Variants in ADGRE5 observed in about 807,000 individuals in gnomAD.
ADGRE5 encodes adhesion G protein-coupled receptor E5, also known as CD97 molecule.
Under a neutral mutation model 100.3 loss-of-function variants are expected in ADGRE5, and 72 were observed. The observed-to-expected ratio is 0.72, with a 90% CI of 0.59 to 0.87. The LOEUF (loss-of-function observed/expected upper bound fraction) is 0.87. Ranked by LOEUF, ADGRE5 falls within the 40% of genes least tolerant of loss-of-function variation. The pLI is 0.00. For missense variants in ADGRE5, 959 were observed against 1,094.7 expected (o/e 0.88, Z 1.75); for synonymous variants, 439 against 447.8 (o/e 0.98, Z 0.25).
At position 14,404,075 on chromosome 19, in the gene ADGRE5, C is replaced by T. The variant is rs189503937; in HGVS notation, c.1450-308C>T. Among the ~76,000 whole-genome samples, 3 of 151,908 alleles carry T rather than the reference C, an allele frequency of 2.0e-5. No individual in the cohort carries two copies. In the East Asian group the frequency reaches 5.8e-4, roughly 29 times the overall value. ...GTATTTTTTAGTGGAGACGGGGTTT[C>T]GCCATGTTGGCCAGGCTGGTCTCAA... On this transcript the variant is annotated intron_variant, in intron 12 of 19. Transcript: ENST00000242786.
chr19:14,398,494 C>T (rs866130302), intron 9 of ADGRE5, among the ~76,000 whole-genome samples: 3 of 136,856 alleles, frequency 2.2e-5, no homozygotes, highest in Non-Finnish European at 4.7e-5. Flanking sequence ...ATGGTGAAAC[C>T]CCCGTCTCTA....
chr19:14,401,835 A>G lies in ADGRE5; in HGVS notation c.1183+75A>G. On this transcript the variant is annotated intron_variant, in intron 11 of 19. Transcript: ENST00000242786. The surrounding 1 kb of genome is among the most constrained non-coding windows in gnomAD (Gnocchi z 4.1). ...CTGGGATGGGGCCAGGGTGAGGTTC[A>G]GAATAGAACAACTGACTGGGCGCGG... The G allele has an allele frequency of 9.6e-7, 1 of 1,037,022 alleles. No homozygotes were observed. The allele number at this position is 1,037,022 out of a possible 1,614,324, so 64.2% of individuals were successfully genotyped here. A position where few individuals can be genotyped will look rare whatever the true frequency, so the allele number is the denominator to read the frequency against.
Position 14,406,847 on chromosome 19 carries a change from C to T in ADGRE5, c.2116-22C>T. 1 of 1,613,134 alleles carries T rather than the reference C, an allele frequency of 6.2e-7. No individual in the cohort carries two copies. Among genetic ancestry groups the T allele is most frequent in the Admixed American group, 1.7e-5 (1 of 60,026 alleles). On this transcript the variant is annotated intron_variant, in intron 16 of 19. Transcript: ENST00000242786. This position sits in a 1 kb window ranked among gnomAD's most constrained non-coding sequence, Gnocchi z 6.0. ...TGGACCATCGCTCTCGCCCTCTAACCCACAATCTGCTCCCTGCCCAGTGCA... is the reference window on the plus strand; with the variant it reads ...TGGACCATCGCTCTCGCCCTCTAACTCACAATCTGCTCCCTGCCCAGTGCA...
chr19:14,396,428 C>G lies in ADGRE5; in HGVS notation c.433C>G (p.Leu145Val), dbSNP rs201730212. Residue 145 changes from leucine (L) to valine (V), a missense_variant, in exon 5 of 20, where the codon CTG (leucine) becomes GTG (valine). Leu to Val is a conservative substitution (Grantham distance 32). Coordinates refer to ENST00000242786, the MANE Select transcript of ADGRE5 (RefSeq NM_078481.4). ...NTLGSYTCQC[L>V]PGFKFIPEDP... ...CCTTGGCAGCTATACCTGCCAGTGC[C>G]TGCCTGGCTTCAAGTTCATACCTGA... The G allele has an allele frequency of 2.2e-5, 36 of 1,614,302 alleles. No individual in the cohort carries two copies. In the East Asian group the frequency reaches 7.6e-4, roughly 34 times the overall value.
rs1159554992 is a variant in ADGRE5, at chr19:14,401,760, G to A, written c.1183G>A (p.Gly395Ser). ...TGTGGCAGCTGGAGCCGAGGATCCA[G>A]GTAGCAGCGGTGGTCTGGAGGGGGA... ...WAVAAGAEDP[G>S]PAVAGILSIQ... Residue 395 changes from glycine (G) to serine (S), a missense_variant and splice_region_variant, in exon 11 of 20, where the codon GGC becomes AGC. Around this residue, in one of 6 missense-constraint regions of ADGRE5, gnomAD observed 246 missense variants for 242.2 expected, o/e 1.02. Coordinates refer to ENST00000242786, the MANE Select transcript of ADGRE5 (RefSeq NM_078481.4). This position sits in a 1 kb window ranked among gnomAD's most constrained non-coding sequence, Gnocchi z 4.1. The A allele has an allele frequency of 1.3e-6, 2 of 1,545,274 alleles. No individual in the cohort carries two copies. Among genetic ancestry groups the A allele is most frequent in the Non-Finnish European group, 1.7e-6 (2 of 1,146,100 alleles).
chr19:14,391,823 C>A (rs145974030), intron 4 of ADGRE5, among the ~76,000 whole-genome samples: 1,573 of 152,090 alleles, frequency 0.01, 31 homozygotes, highest in African/African-American at 0.036. Flanking sequence ...ACTGGCCGGG[C>A]GCAGTGGCTC....
rs1215769611 is a variant in ADGRE5 at position 14,408,078 on chromosome 19, G to C, written c.2479-14G>C. Reference sequence around the variant, plus strand: ...GGGCTAGCGGGGCTCAGGCCTCTGGGCTCTCCTCTCCAGGCCCTCAGGGCA... The same window carrying C: ...GGGCTAGCGGGGCTCAGGCCTCTGGCCTCTCCTCTCCAGGCCCTCAGGGCA... On this transcript the variant is annotated splice_polypyrimidine_tract_variant and intron_variant, in intron 19 of 19. Coordinates refer to ENST00000242786, the MANE Select transcript of ADGRE5 (RefSeq NM_078481.4). The C allele has an allele frequency of 6.2e-7, 1 of 1,614,020 alleles. No individual in the cohort carries two copies. The highest frequency in any genetic ancestry group is 1.7e-5 in the Admixed American group (1 of 60,016).
intron 5 of ADGRE5, 63 bp downstream of exon 5, chr19:14,396,536 C>T (rs1437782585): frequency 1.4e-5 from 23 of 1,601,594 alleles, no homozygotes; most frequent in Non-Finnish European, 2.0e-5. Context: ...TGAGGCACGT[C>T]CTCCAAAGCA....
chr19:14,393,764 C>T (rs1368921919), intron 4 of ADGRE5, among the ~76,000 whole-genome samples: 4 of 152,188 alleles, frequency 2.6e-5, no homozygotes, highest in Non-Finnish European at 5.9e-5. Context: ...GCGTGGAGCC[C>T]AGAAGGAGGC....
In ADGRE5 at chr19:14,381,564, C is replaced by G. The variant is rs931048600; in HGVS notation, c.22+19C>G. ...TTTCTCGGTAAGTACTTTGGGGCCCCGCTGGGAGGGGCGAGGAAGCTCCAG... is the reference window on the plus strand; with the variant it reads ...TTTCTCGGTAAGTACTTTGGGGCCCGGCTGGGAGGGGCGAGGAAGCTCCAG... On this transcript the variant is annotated intron_variant, in intron 1 of 19. Coordinates refer to ENST00000242786, the MANE Select transcript of ADGRE5 (RefSeq NM_078481.4). 2.5e-6 allele frequency: 4 copies of G among 1,597,022 alleles called. No individual in the cohort carries two copies. The African/African-American group carries it at 4.1e-5, about 16-fold the overall frequency.
chr19:14,407,159 A>G lies in ADGRE5; in HGVS notation c.2306A>G (p.Tyr769Cys), dbSNP rs756827351. Residue 769 changes from tyrosine (Y) to cysteine (C), a missense_variant, in exon 18 of 20, where the codon TAT becomes TGT. Coordinates refer to ENST00000242786, the MANE Select transcript of ADGRE5 (RefSeq NM_078481.4). ...GACGATCGGAGCTTGGTGCTGACCTATGTGTTTACCATCCTCAACTGCCTG... is the reference window on the plus strand; with the variant it reads ...GACGATCGGAGCTTGGTGCTGACCTGTGTGTTTACCATCCTCAACTGCCTG... The part of the protein sequence containing the change: ...IFDDRSLVLT[Y>C]VFTILNCLQG... 54 of 1,613,802 alleles carry G rather than the reference A, an allele frequency of 3.3e-5. 1 individual carries two copies. The South Asian group carries it at 5.4e-4, about 16-fold the overall frequency.
At chr19:14,404,865 C>A in intron 13 of ADGRE5, 2 of 317,736 alleles carry the variant, frequency 6.3e-6, no homozygotes, top group Non-Finnish European at 5.7e-6. Context: ...ACCACTTGCC[C>A]GTTTTTTTTT....
Position 14,397,140 on chromosome 19 carries a change from T to C in ADGRE5, c.542T>C (p.Val181Ala), listed in dbSNP as rs1975809500. ...CHSSTHCLNNVGSYQCRCRPG... is the reference protein window; with the variant it reads ...CHSSTHCLNNAGSYQCRCRPG... Reference sequence around the variant, plus strand: ...AGCTCCACCCACTGCCTCAACAACGTGGGCAGCTATCAGTGCCGCTGCCGC... The same window carrying C: ...AGCTCCACCCACTGCCTCAACAACGCGGGCAGCTATCAGTGCCGCTGCCGC... The change falls in exon 6 of 20, where the codon GTG becomes GCG. Residue 181 changes from valine (V) to alanine (A), a missense_variant. Val to Ala is a moderately conservative substitution (Grantham distance 64). Transcript: ENST00000242786. 6.2e-7 allele frequency: 1 copy of C among 1,613,974 alleles called. No homozygotes were observed. Among genetic ancestry groups the C allele is most frequent in the South Asian group, 1.1e-5 (1 of 91,078 alleles).
intron 4 of ADGRE5, among the ~76,000 whole-genome samples, chr19:14,395,320 CA>C (rs75466996): frequency 7.6e-6 from 1 of 132,298 alleles, no homozygotes; most frequent in South Asian, 2.3e-4. Flanking sequence ...AAAAAAAAAA[CA>C]AAAACGCACT....
chr19:14,398,452 G>A (rs891282821), intron 9 of ADGRE5: 3 of 314,210 alleles, frequency 9.5e-6, no homozygotes, highest in East Asian at 7.4e-5. Flanking sequence ...GGCAGATCAC[G>A]CGGTCAGGAG....
intron 9 of ADGRE5, among the ~76,000 whole-genome samples, chr19:14,398,940 C>T (rs553650441): frequency 1.1e-3 from 167 of 151,724 alleles, no homozygotes; most frequent in African/African-American, 3.8e-3. Flanking sequence ...CTCCCAGGCT[C>T]AAGTGACCCT....
At chr19:14,402,555 G>T in intron 11 of ADGRE5, 42 bp from the exon 12 acceptor site, 1 of 1,608,230 alleles carries the variant, frequency 6.2e-7, no homozygotes, top group Non-Finnish European at 8.5e-7. Flanking sequence ...GAGCATGGGA[G>T]GAGGACAACG....
intron 12 of ADGRE5, 97 bp downstream of exon 12, chr19:14,402,959 C>T (rs1015602231): frequency 3.3e-6 from 4 of 1,225,136 alleles, no homozygotes; most frequent in Admixed American, 2.0e-5. Flanking sequence ...GTGACTCAGT[C>T]TTTTATGTTT....
At chr19:14,389,592 C>T (rs1025542226) in intron 3 of ADGRE5, among the ~76,000 whole-genome samples, 11 of 150,530 alleles carry the variant, frequency 7.3e-5, no homozygotes, top group African/African-American at 1.2e-4. Flanking sequence ...AAAAATTAGC[C>T]GGGGGTGGTG....
Sources: gnomAD v4.1 joint callset for allele counts (sites outside exome capture counted in the v4.1 genomes callset) on GRCh38, gnomAD v4.1.1 for gene constraint, gnomAD v4.1.1 regional missense constraint, Gnocchi (gnomAD v3.1) non-coding constraint, MANE v1.5 for transcripts, NCBI Gene and HGNC (gene_info 2026-07-23, HGNC 2026-07-21) for gene names.